The following PRKN variants were observed in gnomAD, a reference collection of about 807,000 sequenced individuals.
PRKN encodes the protein parkin RBR E3 ubiquitin protein ligase.
PRKN carries 56 observed loss-of-function variants against 59.5 expected under a neutral mutation model. That is an observed-to-expected ratio of 0.94 (90% CI 0.76 to 1.18). PRKN has a LOEUF of 1.18. Among genes scored for constraint, PRKN ranks in the 50% most tolerant of loss-of-function variants. PRKN has a pLI of 0.00. For missense variants in PRKN, 657 were observed against 596.4 expected (o/e 1.10, Z -1.06); for synonymous variants, 250 against 222.1 (o/e 1.13, Z -1.12).
chr6:162,583,977 G>A (rs566651541), intron 1 of PRKN, among the ~76,000 whole-genome samples: 80 of 152,272 alleles, frequency 5.3e-4, no homozygotes, highest in Non-Finnish European at 9.7e-4. Context: ...ACTTTGGGAG[G>A]CTGAGGCGAG....
chr6:162,613,329 G>C (rs1447411641), intron 1 of PRKN, among the ~76,000 whole-genome samples: 1 of 152,078 alleles, frequency 6.6e-6, no homozygotes, highest in African/African-American at 2.4e-5. Flanking sequence ...AATAAGTCTT[G>C]ATTTTTTAAT....
At chr6:161,744,752 TA>T (rs1788343355) in intron 7 of PRKN, among the ~76,000 whole-genome samples, 1 of 152,194 alleles carries the variant, frequency 6.6e-6, no homozygotes, top group Non-Finnish European at 1.5e-5. Context: ...GTCAAGTGAC[TA>T]AATGAAACAT....
rs1338900631 is a variant in PRKN, at chr6:161,468,975, C to T, written c.1083+79879G>A. On this transcript the variant is annotated intron_variant, in intron 9 of 11. Coordinates refer to ENST00000366898, the MANE Select transcript of PRKN (RefSeq NM_004562.3). The surrounding 1 kb of genome is among the most constrained non-coding windows in gnomAD (Gnocchi z 5.9). ...GCAGTACACAAATGGGCGCTCCCTA[C>T]AGGCCAAGTAAAATTCCTTCATGCA... is the stretch of plus-strand genomic sequence containing the variant. Among the ~76,000 whole-genome samples, 1 of 152,174 alleles carries T rather than the reference C, an allele frequency of 6.6e-6. No individual in the cohort carries two copies. Among genetic ancestry groups the T allele is most frequent in the Non-Finnish European group, 1.5e-5 (1 of 68,032 alleles).
chr6:162,683,302 T>C (rs1779841424), intron 1 of PRKN, among the ~76,000 whole-genome samples: 1 of 152,160 alleles, frequency 6.6e-6, no homozygotes, highest in Non-Finnish European at 1.5e-5. Flanking sequence ...AAGAGGTCAA[T>C]TGCCATAGTC....
At chr6:162,572,654 C>T (rs538289471) in intron 1 of PRKN, among the ~76,000 whole-genome samples, 1 of 152,098 alleles carries the variant, frequency 6.6e-6, no homozygotes, top group African/African-American at 2.4e-5. Flanking sequence ...AATGTCCTAC[C>T]AGGGAAAGAA....
At chr6:161,689,654 G>A (rs762080357) in intron 7 of PRKN, among the ~76,000 whole-genome samples, 5 of 152,002 alleles carry the variant, frequency 3.3e-5, no homozygotes, top group Admixed American at 2.0e-4. Flanking sequence ...CAGTTTTCAC[G>A]CCCAGCTTAA....
chr6:161,763,750 T>C (rs1184452244), intron 7 of PRKN, among the ~76,000 whole-genome samples: 4 of 152,044 alleles, frequency 2.6e-5, no homozygotes, highest in Admixed American at 2.0e-4. Flanking sequence ...ATTTTTGTCA[T>C]GGATTCCATG....
intron 7 of PRKN, among the ~76,000 whole-genome samples, chr6:161,750,084 T>A (rs576367901): frequency 6.9e-6 from 1 of 145,000 alleles, no homozygotes; most frequent in Non-Finnish European, 1.5e-5. Flanking sequence ...TTAATGGATA[T>A]AGCACACATA....
rs577485218 is a variant in PRKN, at chr6:161,355,562, T to C, written c.1285+4526A>G. On this transcript the variant is annotated intron_variant, in intron 11 of 11. Transcript: ENST00000366898. This position sits in a 1 kb window ranked among gnomAD's most constrained non-coding sequence, Gnocchi z 6.8. Reference sequence around the variant, plus strand: ...GATCACAGGTGCCTGCCACCACACCTAGCTATTTTTTTTTTGTATTTTTAC... The same window carrying C: ...GATCACAGGTGCCTGCCACCACACCCAGCTATTTTTTTTTTGTATTTTTAC... 2.7e-5 allele frequency among the ~76,000 whole-genome samples: 4 copies of C among 149,100 alleles called. No individual in the cohort carries two copies. In the South Asian group the frequency reaches 8.8e-4, roughly 33 times the overall value.
intron 1 of PRKN, among the ~76,000 whole-genome samples, chr6:162,710,450 C>A (rs982909202): frequency 2.7e-5 from 4 of 147,764 alleles, no homozygotes; most frequent in African/African-American, 5.2e-5. Context: ...AGGAACTCAA[C>A]TGTTATGAGT....
chr6:162,452,651 C>T (rs774284209), intron 1 of PRKN, among the ~76,000 whole-genome samples: 1 of 151,728 alleles, frequency 6.6e-6, no homozygotes, highest in Non-Finnish European at 1.5e-5. Flanking sequence ...TTGAAATAAT[C>T]CTTCCAAAAA....
At chr6:161,416,539 T>A (rs1787859296) in intron 9 of PRKN, among the ~76,000 whole-genome samples, 2 of 151,964 alleles carry the variant, frequency 1.3e-5, no homozygotes, top group Admixed American at 6.6e-5. Context: ...GCTCTCGGCA[T>A]CCAAATTCAA....
intron 2 of PRKN, among the ~76,000 whole-genome samples, chr6:162,383,959 C>T (rs1177580056): frequency 2.0e-5 from 3 of 152,186 alleles, no homozygotes; most frequent in Non-Finnish European, 4.4e-5. Context: ...TGTGCATCTT[C>T]CTCACCTCTC....
rs558494830 is a variant in PRKN at position 162,576,268 on chromosome 6, C to T, written c.8-132795G>A. On this transcript the variant is annotated intron_variant, in intron 1 of 11. Coordinates refer to ENST00000366898, the MANE Select transcript of PRKN (RefSeq NM_004562.3). Reference sequence around the variant, plus strand: ...GTATGATGGGAAGGCTAGAGCATCACAAAAATGCCTGGACAGTTAGACACA... The same window carrying T: ...GTATGATGGGAAGGCTAGAGCATCATAAAAATGCCTGGACAGTTAGACACA... Among the ~76,000 whole-genome samples the T allele has an allele frequency of 2.0e-5, 3 of 152,244 alleles. No homozygotes were observed. In the East Asian group the frequency reaches 5.8e-4, roughly 29 times the overall value.
At chr6:162,653,429 A>G (rs977231792) in intron 1 of PRKN, among the ~76,000 whole-genome samples, 16 of 152,198 alleles carry the variant, frequency 1.1e-4, no homozygotes, top group Admixed American at 9.2e-4. Flanking sequence ...AAATCAACTC[A>G]TAATTTAATA....
At chr6:162,340,147 T>TAAAAA (rs11355851) in intron 2 of PRKN, among the ~76,000 whole-genome samples, 1 of 144,544 alleles carries the variant, frequency 6.9e-6, no homozygotes, top group African/African-American at 2.5e-5. Context: ...AAAAATAAAT[T>TAAAAA]AAAAAAAAAA....
At chr6:162,010,319 T>TAC (rs1782454654) in intron 5 of PRKN, among the ~76,000 whole-genome samples, 1 of 124,476 alleles carries the variant, frequency 8.0e-6, no homozygotes, top group Non-Finnish European at 1.6e-5. Context: ...ATATTTTATA[T>TAC]ATTTATAATA....
chr6:162,712,103 G>A (rs908396154), intron 1 of PRKN, among the ~76,000 whole-genome samples: 3 of 152,176 alleles, frequency 2.0e-5, no homozygotes, highest in Admixed American at 6.5e-5. Flanking sequence ...CTGTTGGTCC[G>A]ATTAATCAGA....
chr6:161,897,385 T>C (rs114416995), intron 6 of PRKN, among the ~76,000 whole-genome samples: 1,605 of 152,288 alleles, frequency 0.011, 31 homozygotes, highest in African/African-American at 0.035. Flanking sequence ...TATGTATGTG[T>C]TGAGGCTCCC....
Sources: gnomAD v4.1 joint callset for allele counts (sites outside exome capture counted in the v4.1 genomes callset) on GRCh38, gnomAD v4.1.1 for gene constraint, Gnocchi (gnomAD v3.1) non-coding constraint, MANE v1.5 for transcripts, NCBI Gene and HGNC (gene_info 2026-07-23, HGNC 2026-07-21) for gene names.